PDS5A: variants seen among roughly 807,000 people sequenced by gnomAD.
PDS5A encodes PDS5 cohesin associated factor A.
Under a neutral mutation model 167.1 loss-of-function variants are expected in PDS5A, and 42 were observed. That is an observed-to-expected ratio of 0.25 (90% CI 0.20 to 0.33). The LOEUF is 0.33. Ranked by LOEUF, PDS5A falls within the 10% of genes least tolerant of loss-of-function variation. The pLI is 1.00. For synonymous variants in PDS5A, 553 were observed against 554.6 expected (o/e 1.00, Z 0.04); for missense variants, 1,033 against 1,605.9 (o/e 0.64, Z 6.10).
At chr4:39,860,267 C>A (rs1415450152) in intron 26 of PDS5A, among the ~76,000 whole-genome samples, 1 of 151,932 alleles carries the variant, frequency 6.6e-6, no homozygotes, top group Non-Finnish European at 1.5e-5. Context: ...AGTTGGGAGA[C>A]CAGCCTGGGC....
intron 18 of PDS5A, 30 bp downstream of exon 18, chr4:39,879,698 T>C (rs1169967695): frequency 7.4e-7 from 1 of 1,353,166 alleles, no homozygotes; most frequent in Non-Finnish European, 1.1e-6. Flanking sequence ...CCCACGGAAA[T>C]ACATGGCAAC....
chr4:39,896,803 C>T (rs1722455603), intron 16 of PDS5A, among the ~76,000 whole-genome samples: 1 of 148,742 alleles, frequency 6.7e-6, no homozygotes, highest in African/African-American at 2.5e-5. Context: ...TTTTTTTGTG[C>T]AAAACTAAGA....
chr4:39,921,830 T>G (rs188103417), intron 6 of PDS5A, among the ~76,000 whole-genome samples: 80 of 152,292 alleles, frequency 5.3e-4, no homozygotes, highest in African/African-American at 1.9e-3. Context: ...ATACTCTCCT[T>G]TGCCATAGTC....
At chr4:39,827,051 G>T (rs1715389784) in intron 32 of PDS5A, among the ~76,000 whole-genome samples, 1 of 151,406 alleles carries the variant, frequency 6.6e-6, no homozygotes, top group Non-Finnish European at 1.5e-5. Context: ...GCCCAGGCTG[G>T]AGTGCTTGGC....
intron 17 of PDS5A, among the ~76,000 whole-genome samples, 197 bp downstream of exon 17, chr4:39,890,050 TAA>T (rs1721827655): frequency 6.6e-6 from 1 of 152,184 alleles, no homozygotes; most frequent in Admixed American, 6.5e-5. Flanking sequence ...AAGAACTCTT[TAA>T]AAACAGAAAG....
At chr4:39,862,532 A>G (rs999269842) in intron 25 of PDS5A, among the ~76,000 whole-genome samples, 199 bp from the exon 26 acceptor site, 1 of 152,202 alleles carries the variant, frequency 6.6e-6, no homozygotes, top group Admixed American at 6.5e-5. Flanking sequence ...CACTTTTGAA[A>G]GATACTGAAG....
At chr4:39,832,579 C>A (rs1716005268) in intron 32 of PDS5A, among the ~76,000 whole-genome samples, 1 of 151,954 alleles carries the variant, frequency 6.6e-6, no homozygotes, top group African/African-American at 2.4e-5. Context: ...GTTTGAGGCA[C>A]TGAAAATATT....
intron 2 of PDS5A, among the ~76,000 whole-genome samples, chr4:39,968,245 G>T (rs1367968658): frequency 6.6e-6 from 1 of 151,734 alleles, no homozygotes; most frequent in Non-Finnish European, 1.5e-5. Context: ...TAAGCCAGAG[G>T]ACACCAGACC....
chr4:39,909,068 A>C (rs979994065), intron 10 of PDS5A, among the ~76,000 whole-genome samples: 1 of 150,558 alleles, frequency 6.6e-6, no homozygotes, highest in African/African-American at 2.4e-5. Context: ...AATAAAATAA[A>C]ATAAAATAAA....
At chr4:39,872,898 A>C in intron 21 of PDS5A, 88 bp downstream of exon 21, 1 of 637,038 alleles carries the variant, frequency 1.6e-6, no homozygotes, top group South Asian at 5.3e-5. Flanking sequence ...AGAAAAAGAG[A>C]ATTACACAGA....
chr4:39,832,680 C>T (rs1487079335), intron 32 of PDS5A, among the ~76,000 whole-genome samples: 1 of 151,962 alleles, frequency 6.6e-6, no homozygotes, highest in African/African-American at 2.4e-5. Flanking sequence ...GGCAATACAG[C>T]AAGACCCAAA....
rs777863058 is a variant in PDS5A at position 39,845,896 on chromosome 4, A to G, written c.3340-16T>C. ...TACAGAAGTCCTATTAAAAAAAAAA[A>G]AGAAAAAGAAAAAAGAAACACCAAT... is the stretch of plus-strand genomic sequence containing the variant. On this transcript the variant is annotated splice_polypyrimidine_tract_variant and intron_variant, in intron 28 of 32. Transcript: ENST00000303538. 7.5e-7 allele frequency: 1 copy of G among 1,333,062 alleles called. No individual in the cohort carries two copies. Among genetic ancestry groups the G allele is most frequent in the Admixed American group, 3.9e-5 (1 of 25,610 alleles). The allele number at this position is 1,333,062 out of a possible 1,614,324, so 82.6% of individuals were successfully genotyped here.
At chr4:39,973,668 G>T in intron 2 of PDS5A, 1 of 1,293,984 alleles carries the variant, frequency 7.7e-7, no homozygotes, top group Non-Finnish European at 1.1e-6. Flanking sequence ...CAAAACCATC[G>T]TATGTAGCTT....
intron 13 of PDS5A, among the ~76,000 whole-genome samples, chr4:39,900,864 T>C (rs1722818876): frequency 1.3e-5 from 2 of 151,644 alleles, no homozygotes; most frequent in South Asian, 2.1e-4. Context: ...GCACAAGGCA[T>C]GTGTGTGGAG....
intron 20 of PDS5A, 92 bp from the exon 21 acceptor site, chr4:39,873,236 T>A: frequency 1.5e-6 from 1 of 683,836 alleles, no homozygotes. Flanking sequence ...TCCTCCTGAA[T>A]TTACCATGCC....
chr4:39,944,711 A>AC (rs369108032), intron 2 of PDS5A, among the ~76,000 whole-genome samples: 3 of 151,398 alleles, frequency 2.0e-5, no homozygotes, highest in African/African-American at 7.3e-5. Flanking sequence ...AAAAAAAAAA[A>AC]CAAAAAGCTG....
chr4:39,885,680 C>T (rs148283526), intron 17 of PDS5A, among the ~76,000 whole-genome samples: 255 of 152,172 alleles, frequency 1.7e-3, no homozygotes, highest in African/African-American at 5.6e-3. Flanking sequence ...TTTTGGAGGC[C>T]GAAGTGGGTG....
intron 16 of PDS5A, 137 bp downstream of exon 16, chr4:39,898,252 T>C (rs974547869): frequency 5.1e-5 from 68 of 1,324,148 alleles, no homozygotes; most frequent in East Asian, 4.0e-4. Context: ...AACTTGACAA[T>C]AGATATACTC....
chr4:39,932,153 C>G (rs779823170), intron 2 of PDS5A, among the ~76,000 whole-genome samples: 2 of 152,058 alleles, frequency 1.3e-5, no homozygotes, highest in African/African-American at 2.4e-5. Flanking sequence ...TCAGCCTCCC[C>G]AAATGCTGGG....
Sources: gnomAD v4.1 joint callset for allele counts (sites outside exome capture counted in the v4.1 genomes callset) on GRCh38, gnomAD v4.1.1 for gene constraint, MANE v1.5 for transcripts, NCBI Gene and HGNC (gene_info 2026-07-23, HGNC 2026-07-21) for gene names.